PCDH17: variants seen among roughly 807,000 people sequenced by gnomAD.
PCDH17 encodes protocadherin-17.
A neutral mutation model predicts 67.7 loss-of-function variants in PCDH17; 21 were observed. The ratio of observed to expected loss-of-function variants is 0.31; its 90% CI spans 0.22 to 0.45. PCDH17 has a LOEUF of 0.45. Among genes scored for constraint, PCDH17 ranks in the 20% least tolerant of loss-of-function variants. The pLI, the probability that PCDH17 is intolerant of heterozygous loss-of-function variation, is 1.00. For missense variants in PCDH17, 1,471 were observed against 1,564.8 expected, an observed-to-expected ratio of 0.94 and a Z score of 1.01; for synonymous variants, 701 against 656.7, an observed-to-expected ratio of 1.07 and a Z score of -1.03.
At chr13:57,652,132 G>T (rs932207767) in intron 1 of PCDH17, among the ~76,000 whole-genome samples, 1 of 151,714 alleles carries the variant, frequency 6.6e-6, no homozygotes, top group Admixed American at 6.6e-5. Context: ...CAAAAAATTA[G>T]CCGGGCGCGG....
intron 3 of PCDH17, among the ~76,000 whole-genome samples, chr13:57,708,008 G>A (rs968462655): frequency 6.6e-6 from 1 of 151,932 alleles, no homozygotes; most frequent in East Asian, 1.9e-4. Flanking sequence ...AGGGTGGGGG[G>A]CAGTATCCAA....
At chr13:57,703,792 C>G (rs936451876) in intron 3 of PCDH17, among the ~76,000 whole-genome samples, 1 of 152,008 alleles carries the variant, frequency 6.6e-6, no homozygotes, top group African/African-American at 2.4e-5. Context: ...TTTTTGTAAA[C>G]TAAACTAGGA....
intron 3 of PCDH17, among the ~76,000 whole-genome samples, chr13:57,677,518 A>G (rs563771292): frequency 1.3e-5 from 2 of 151,972 alleles, no homozygotes; most frequent in South Asian, 4.1e-4. Flanking sequence ...GTTTCAAAGA[A>G]TTGTTTGATG....
intron 3 of PCDH17, among the ~76,000 whole-genome samples, chr13:57,721,954 T>G (rs1261781157): frequency 1.3e-5 from 2 of 152,156 alleles, no homozygotes; most frequent in African/African-American, 4.8e-5. Flanking sequence ...TAGAGTTCAT[T>G]TTGTGCTCAT....
chr13:57,696,088 C>A (rs1016972492), intron 3 of PCDH17, among the ~76,000 whole-genome samples: 2 of 151,174 alleles, frequency 1.3e-5, no homozygotes, highest in East Asian at 3.9e-4. Context: ...GTGTGTGAAC[C>A]CTGTAACTCT....
chr13:57,653,936 T>C (rs1290920884), intron 1 of PCDH17, among the ~76,000 whole-genome samples: 4 of 152,122 alleles, frequency 2.6e-5, no homozygotes, highest in Non-Finnish European at 5.9e-5. Context: ...TGCAGTCCAC[T>C]TAAAAGAAAT....
chr13:57,689,411 A>C (rs1955537159), intron 3 of PCDH17, among the ~76,000 whole-genome samples: 1 of 151,994 alleles, frequency 6.6e-6, no homozygotes, highest in Non-Finnish European at 1.5e-5. Context: ...CAGATAGTGA[A>C]AGGAGAATGT....
chr13:57,716,005 GGATGATATGAAA>G, intron 3 of PCDH17, among the ~76,000 whole-genome samples: 1 of 151,918 alleles, frequency 6.6e-6, no homozygotes, highest in Non-Finnish European at 1.5e-5. Flanking sequence ...AGAAGAAGCA[GGATGATATGAAA>G]GATGAAAGCT....
chr13:57,708,940 T>C (rs1283346361), intron 3 of PCDH17, among the ~76,000 whole-genome samples: 2 of 151,808 alleles, frequency 1.3e-5, no homozygotes, highest in Non-Finnish European at 2.9e-5. Context: ...GTCTAAGAAG[T>C]AGATCAAATA....
rs188927432 is a variant in PCDH17 at position 57,656,562 on chromosome 13, G to A, written c.2566-9906G>A. 7.7e-3 allele frequency among the ~76,000 whole-genome samples: 1,171 copies of A among 151,890 alleles called. 12 individuals are homozygous for A. Among genetic ancestry groups the A allele is most frequent in the Non-Finnish European group, 0.011 (730 of 67,920 alleles). ...GCCACATATAACCTTTGAATTCTTC[G>A]TCCTGGAGGCCCTATTGCAGAGAAT... On this transcript the variant is annotated intron_variant, in intron 1 of 3. Coordinates refer to ENST00000377918, the MANE Select transcript of PCDH17 (RefSeq NM_001040429.3).
At position 57,725,051 on chromosome 13, in the gene PCDH17, G is replaced by T. The variant is rs1473586508; in HGVS notation, c.3237G>T (p.Leu1079=). ...ACTTGCCCACTGACAGTCAATATCT[G>T]TCACCTAGTAAGCAACCAAGAGACC... ...SQYLPTDSQY[L]SPSKQPRDPP... is the part of the protein sequence containing the mutation. Residue 1079 remains leucine, a synonymous_variant, in exon 4 of 4, where the codon CTG becomes CTT. Transcript: ENST00000377918. 6.2e-7 allele frequency: 1 copy of T among 1,614,118 alleles called. No individual in the cohort carries two copies.
At chr13:57,709,242 G>A (rs1489736871) in intron 3 of PCDH17, among the ~76,000 whole-genome samples, 2 of 151,682 alleles carry the variant, frequency 1.3e-5, no homozygotes, top group Non-Finnish European at 2.9e-5. Context: ...ATATTAAGAT[G>A]CAGTACACAT....
intron 3 of PCDH17, among the ~76,000 whole-genome samples, chr13:57,696,498 A>T (rs1955609782): frequency 6.6e-6 from 1 of 151,354 alleles, no homozygotes; most frequent in East Asian, 1.9e-4. Flanking sequence ...TCATTTTAAT[A>T]AAGGAAAATA....
upstream of PCDH17, among the ~76,000 whole-genome samples, chr13:57,630,881 T>G (rs756772455): frequency 2.6e-5 from 4 of 152,148 alleles, no homozygotes; most frequent in Non-Finnish European, 4.4e-5. Flanking sequence ...ACACCTGCAT[T>G]TCTGGATGTG....
intron 3 of PCDH17, among the ~76,000 whole-genome samples, chr13:57,676,672 G>A (rs1955394300): frequency 6.6e-6 from 1 of 151,814 alleles, no homozygotes; most frequent in Non-Finnish European, 1.5e-5. Flanking sequence ...GTCAGTAATA[G>A]TTCAGCCTGC....
At chr13:57,675,419 A>G (rs552131284) in intron 3 of PCDH17, among the ~76,000 whole-genome samples, 105 of 151,972 alleles carry the variant, frequency 6.9e-4, no homozygotes, top group Admixed American at 1.1e-3. Flanking sequence ...GAGCTGAGGC[A>G]CAGACTGGGT....
intron 3 of PCDH17, among the ~76,000 whole-genome samples, chr13:57,718,830 A>C (rs1000800843): frequency 6.6e-6 from 1 of 151,948 alleles, no homozygotes; most frequent in African/African-American, 2.4e-5. Context: ...GTGCACATGC[A>C]TGTGTGTGTA....
At chr13:57,663,697 T>C (rs1955213384) in intron 1 of PCDH17, among the ~76,000 whole-genome samples, 1 of 152,176 alleles carries the variant, frequency 6.6e-6, no homozygotes, top group Non-Finnish European at 1.5e-5. Context: ...AGTTCAGACA[T>C]TATTAGTAAA....
rs371688287 is a variant in PCDH17 at position 57,639,473 on chromosome 13, A to C, written c.2565+4362A>C. ...ATTTCTCTATTTCCCAATAAATGAA[A>C]ACACAGAAAGTATAAAGCTAGAAAC... is the stretch of plus-strand genomic sequence containing the variant. On this transcript the variant is annotated intron_variant, in intron 1 of 3. Coordinates refer to ENST00000377918, the MANE Select transcript of PCDH17 (RefSeq NM_001040429.3). 4.0e-5 allele frequency among the ~76,000 whole-genome samples: 6 copies of C among 151,862 alleles called. No homozygotes were observed. The East Asian group carries it at 9.6e-4, about 24-fold the overall frequency.
Sources: allele counts gnomAD v4.1 joint callset (sites outside exome capture counted in the v4.1 genomes callset), GRCh38; gene constraint gnomAD v4.1.1; transcripts MANE v1.5; gene names NCBI Gene and HGNC (gene_info 2026-07-23, HGNC 2026-07-21).